The following NDRG1 variants were observed in gnomAD, a reference collection of about 807,000 sequenced individuals.
The protein encoded by NDRG1 is protein NDRG1.
Under a neutral mutation model 56.9 loss-of-function variants are expected in NDRG1, and 32 were observed. That is an observed-to-expected ratio of 0.56 (90% CI 0.42 to 0.76). NDRG1 has a LOEUF of 0.76. Among genes scored for constraint, NDRG1 ranks in the 30% least tolerant of loss-of-function variants. The pLI is 0.00. For missense variants in NDRG1, 507 were observed against 545.7 expected (o/e 0.93, Z 0.71); for synonymous variants, 211 against 204.1 (o/e 1.03, Z -0.29).
chr8:133,264,586 G>A lies in NDRG1; in HGVS notation c.166C>T (p.Arg56Trp), dbSNP rs769720211. 7.4e-6 allele frequency: 12 copies of A among 1,614,064 alleles called. No homozygotes were observed. The highest frequency in any genetic ancestry group is 4.5e-5 in the East Asian group (2 of 44,894). Residue 56 changes from arginine to tryptophan, a missense_variant, in exon 4 of 16, where the codon CGG becomes TGG. Physicochemically the swap from Arg to Trp is moderately radical, Grantham distance 101. Coordinates refer to ENST00000323851, the MANE Select transcript of NDRG1 (RefSeq NM_006096.4). ...TCATGGTAGGTGAGGATGACAGGCC[G>A]GTTTCCCTTGGGAGTCCCACACAGC... ...VTLCGTPKGN[R>W]PVILTYHDIG...
At chr8:133,274,992 G>A (rs1323038774) in intron 3 of NDRG1, among the ~76,000 whole-genome samples, 3 of 152,166 alleles carry the variant, frequency 2.0e-5, no homozygotes, top group Non-Finnish European at 4.4e-5. Flanking sequence ...CTGTCCTGTC[G>A]CTTTGCTGCA....
At chr8:133,266,227 C>T (rs182575541) in intron 3 of NDRG1, among the ~76,000 whole-genome samples, 334 of 152,364 alleles carry the variant, frequency 2.2e-3, no homozygotes, top group Non-Finnish European at 3.5e-3. Flanking sequence ...TTGACCCGCC[C>T]GCAAGCGGCG....
chr8:133,277,764 G>A (rs1464772945), intron 3 of NDRG1, among the ~76,000 whole-genome samples: 1 of 152,106 alleles, frequency 6.6e-6, no homozygotes, highest in African/African-American at 2.4e-5. Context: ...GATAGGGTGT[G>A]TGATGTTTGG....
At chr8:133,294,163 C>T (rs965018485) in intron 1 of NDRG1, among the ~76,000 whole-genome samples, 3 of 152,152 alleles carry the variant, frequency 2.0e-5, no homozygotes, top group Middle Eastern at 3.2e-3. Context: ...TTTCTTCAGG[C>T]GCCCCAACAT....
At chr8:133,245,013 G>A (rs1337752649) in intron 13 of NDRG1, among the ~76,000 whole-genome samples, 1 of 152,138 alleles carries the variant, frequency 6.6e-6, no homozygotes, top group Admixed American at 6.5e-5. Context: ...GTGGCCTGGG[G>A]TGAAACGGGG....
chr8:133,254,328 C>A (rs1856247815), intron 9 of NDRG1, among the ~76,000 whole-genome samples: 1 of 152,204 alleles, frequency 6.6e-6, no homozygotes, highest in South Asian at 2.1e-4. Flanking sequence ...GTACTTCAAT[C>A]AGCTGTTTTT....
intron 6 of NDRG1, 149 bp downstream of exon 6, chr8:133,259,019 G>T: frequency 1.2e-6 from 1 of 809,048 alleles, no homozygotes; most frequent in South Asian, 1.4e-5. Context: ...GAAGAACAGT[G>T]TTCACAGAGT....
At position 133,262,118 on chromosome 8, in the gene NDRG1, G is replaced by C. The variant is rs1439070617; in HGVS notation, c.255C>G (p.Ile85Met). The C allele has an allele frequency of 6.2e-7, 1 of 1,614,168 alleles. No homozygotes were observed. The highest frequency in any genetic ancestry group is 1.7e-5 in the Admixed American group (1 of 60,020). Residue 85 changes from isoleucine (I) to methionine (M), a missense_variant, in exon 5 of 16, where the codon ATC becomes ATG. Ile to Met is a conservative substitution (Grantham distance 10, BLOSUM62 1). Transcript: ENST00000323851. Reference protein sequence around the residue: ...PLFNYEDMQEITQHFAVCHVD... With the variant: ...PLFNYEDMQEMTQHFAVCHVD... Reference sequence around the variant, plus strand: ...CGTGGCAGACGGCAAAGTGCTGGGTGATCTCCTGCATGTCCTCGTAGTTGA... The same window carrying C: ...CGTGGCAGACGGCAAAGTGCTGGGTCATCTCCTGCATGTCCTCGTAGTTGA...
intron 1 of NDRG1, among the ~76,000 whole-genome samples, chr8:133,291,124 G>A (rs938854154): frequency 2.0e-5 from 3 of 152,160 alleles, no homozygotes; most frequent in South Asian, 2.1e-4. Flanking sequence ...GAGAGCAGGC[G>A]GGAATTGCTG....
rs146613168 is a variant in NDRG1 at position 133,239,036 on chromosome 8, G to A, written c.1027C>T (p.Arg343Cys). The A allele has an allele frequency of 1.2e-4, 199 of 1,596,878 alleles. No homozygotes were observed. Among genetic ancestry groups the A allele is most frequent in the Admixed American group, 1.9e-4 (11 of 56,808 alleles). The change falls in exon 16 of 16, where the codon CGC (arginine) becomes TGC (cysteine). Residue 343 changes from arginine to cysteine, a missense_variant. Coordinates refer to ENST00000323851, the MANE Select transcript of NDRG1 (RefSeq NM_006096.4). ...CGGGTGCCCTCGCTGGTGTGGGAGC[G>A]GCTGCGGGTGCCATCCAGAGAAGTG... ...SVTSLDGTRSRSHTSEGTRSR... is the reference protein window; with the variant it reads ...SVTSLDGTRSCSHTSEGTRSR...
chr8:133,259,211 C>A lies in NDRG1; in HGVS notation c.346G>T (p.Asp116Tyr). ...CCAGGAAGCATTTCAGCCAGCTGATCCATGGAGGGGTACATGTACCTGGGG... is the reference window on the plus strand; with the variant it reads ...CCAGGAAGCATTTCAGCCAGCTGATACATGGAGGGGTACATGTACCTGGGG... ...FPAGYMYPSM[D>Y]QLAEMLPGVL... Residue 116 changes from aspartate to tyrosine, a missense_variant, in exon 6 of 16, where the codon GAT becomes TAT. By Grantham distance (160) the Asp-to-Tyr change is radical (BLOSUM62 -3). Transcript: ENST00000323851. 6.2e-7 allele frequency: 1 copy of A among 1,614,178 alleles called. No individual in the cohort carries two copies. Among genetic ancestry groups the A allele is most frequent in the Non-Finnish European group, 8.5e-7 (1 of 1,180,038 alleles).
At chr8:133,296,731 A>T (rs1419844447) in intron 1 of NDRG1, 6 of 269,160 alleles carry the variant, frequency 2.2e-5, no homozygotes, top group Non-Finnish European at 3.8e-5. Flanking sequence ...ACACACACAC[A>T]CTCACCTAGT....
intron 3 of NDRG1, among the ~76,000 whole-genome samples, chr8:133,268,941 T>C (rs901712979): frequency 2.6e-5 from 4 of 151,916 alleles, no homozygotes; most frequent in African/African-American, 9.7e-5. Flanking sequence ...TCTAAGCCAG[T>C]CAAGAAGACT....
At chr8:133,250,370 G>T in intron 10 of NDRG1, 70 bp downstream of exon 10, 1 of 1,334,520 alleles carries the variant, frequency 7.5e-7, no homozygotes, top group Non-Finnish European at 1.1e-6. Flanking sequence ...CCTCTCATCT[G>T]TCCCACATTT....
chr8:133,246,711 C>G (rs1783516371), intron 12 of NDRG1, 48 bp from the exon 13 acceptor site: 1 of 1,544,714 alleles, frequency 6.5e-7, no homozygotes, highest in South Asian at 1.1e-5. Context: ...GAAGCCAAAG[C>G]CAAAACATCT....
intron 4 of NDRG1, 134 bp downstream of exon 4, chr8:133,264,413 T>C (rs1452101272): frequency 1.2e-6 from 1 of 803,472 alleles, no homozygotes; most frequent in Non-Finnish European, 2.1e-6. Context: ...GCAAGAGTTC[T>C]TCCCAGAACA....
intron 13 of NDRG1, among the ~76,000 whole-genome samples, chr8:133,244,995 C>CG (rs1353400283): frequency 1.3e-5 from 2 of 151,442 alleles, no homozygotes; most frequent in Non-Finnish European, 2.9e-5. Flanking sequence ...GGGGAGGCTG[C>CG]GGGGAGGGTG....
At chr8:133,248,578 C>T (rs1452014089) in intron 11 of NDRG1, 137 bp downstream of exon 11, 3 of 1,077,300 alleles carry the variant, frequency 2.8e-6, no homozygotes, top group Non-Finnish European at 4.3e-6. Flanking sequence ...GGGTAATGCT[C>T]AGTCTCTGGG....
chr8:133,284,331 T>G lies in NDRG1; in HGVS notation c.-18-2A>C, dbSNP rs769173070. On this transcript the variant is annotated splice_acceptor_variant, in intron 1 of 15. Coordinates refer to ENST00000323851, the MANE Select transcript of NDRG1 (RefSeq NM_006096.4). LOFTEE classifies it low-confidence loss of function (5UTR_SPLICE). ...AGACATGTCCCTGCTGTCACCTGCC[T>G]GCAAGGAGACAAAGGCCAAAAGGTC... 6.2e-7 allele frequency: 1 copy of G among 1,611,208 alleles called. No individual in the cohort carries two copies. Among genetic ancestry groups the G allele is most frequent in the East Asian group, 2.2e-5 (1 of 44,874 alleles).
Sources: gnomAD v4.1 joint callset for allele counts (sites outside exome capture counted in the v4.1 genomes callset) on GRCh38, gnomAD v4.1.1 for gene constraint, MANE v1.5 for transcripts, NCBI Gene and HGNC (gene_info 2026-07-23, HGNC 2026-07-21) for gene names.